HSDL2: variants seen among roughly 807,000 people sequenced by gnomAD.
HSDL2 encodes the protein hydroxysteroid dehydrogenase like 2.
In HSDL2, 27 loss-of-function variants were observed where a neutral mutation model predicts 46.3. The ratio of observed to expected loss-of-function variants is 0.58; its 90% CI spans 0.43 to 0.80. The LOEUF is 0.80. Among genes scored for constraint, HSDL2 ranks in the 30% least tolerant of loss-of-function variants. HSDL2 has a pLI of 0.00. For missense variants in HSDL2, 451 were observed against 502.7 expected (o/e 0.90, Z 0.98); for synonymous variants, 153 against 163.6 (o/e 0.94, Z 0.50).
intron 1 of HSDL2, among the ~76,000 whole-genome samples, chr9:112,390,980 A>C (rs1301150658): frequency 6.6e-6 from 1 of 152,092 alleles, no homozygotes; most frequent in Non-Finnish European, 1.5e-5. Flanking sequence ...GTTCAAGACC[A>C]GCCTGGCCAA....
intron 6 of HSDL2, among the ~76,000 whole-genome samples, chr9:112,425,553 AT>A (rs1832224881): frequency 1.3e-5 from 2 of 152,102 alleles, no homozygotes; most frequent in Admixed American, 1.3e-4. Flanking sequence ...GATTTCCATA[AT>A]CTGTTAATTA....
chr9:112,416,902 C>G lies in HSDL2; in HGVS notation c.457C>G (p.Pro153Ala). 6.2e-7 allele frequency: 1 copy of G among 1,605,256 alleles called. No homozygotes were observed. The highest frequency in any genetic ancestry group is 1.1e-5 in the South Asian group (1 of 90,742). ...AGTTGCTCATATCCTCAATATCAGTCCACCACTGAACCTAAATCCAGTTTG... is the reference window on the plus strand; with the variant it reads ...AGTTGCTCATATCCTCAATATCAGTGCACCACTGAACCTAAATCCAGTTTG... ...SKVAHILNIS[P>A]PLNLNPVWFK... The change falls in exon 5 of 11, where the codon CCA (proline) becomes GCA (alanine). Residue 153 changes from proline (P) to alanine (A), a missense_variant. Coordinates refer to ENST00000398805, the MANE Select transcript of HSDL2 (RefSeq NM_032303.5).
In HSDL2 at chr9:112,398,400, T is replaced by G. The variant is rs150752540; in HGVS notation, c.18-5595T>G. On this transcript the variant is annotated intron_variant, in intron 1 of 10. Transcript: ENST00000398805. ...AGGTTTGAAGAGGGAAGAGTTAGTA[T>G]AGATATGGTCCTGGGCTGTCCAAGT... Among the ~76,000 whole-genome samples, 607 of 151,968 alleles carry G rather than the reference T, an allele frequency of 4.0e-3. 5 individuals are homozygous for G. The highest frequency in any genetic ancestry group is 0.014 in the African/African-American group (585 of 41,452).
At chr9:112,406,238 G>T (rs528334470) in intron 3 of HSDL2, among the ~76,000 whole-genome samples, 26 of 152,064 alleles carry the variant, frequency 1.7e-4, no homozygotes, top group African/African-American at 5.8e-4. Context: ...GGATGCAAGG[G>T]GGGTAGATGA....
At chr9:112,454,239 A>C in intron 9 of HSDL2, 77 bp downstream of exon 9, 1 of 1,207,494 alleles carries the variant, frequency 8.3e-7, no homozygotes, top group Admixed American at 2.0e-5. Context: ...ATCAGCGTCC[A>C]ACAGTGATCC....
intron 7 of HSDL2, among the ~76,000 whole-genome samples, chr9:112,440,318 A>C (rs1428736540): frequency 6.6e-6 from 1 of 152,018 alleles, no homozygotes; most frequent in Non-Finnish European, 1.5e-5. Context: ...AAAAAGAGAG[A>C]GAGAGAGGCA....
chr9:112,422,543 C>A (rs1467381916), intron 6 of HSDL2, among the ~76,000 whole-genome samples: 3 of 152,074 alleles, frequency 2.0e-5, no homozygotes, highest in Non-Finnish European at 4.4e-5. Flanking sequence ...CTTGGATATT[C>A]TAGTGCAAGA....
intron 4 of HSDL2, among the ~76,000 whole-genome samples, chr9:112,415,655 C>A (rs1831974006): frequency 6.6e-6 from 1 of 152,102 alleles, no homozygotes; most frequent in African/African-American, 2.4e-5. Context: ...CTCAGTTGGG[C>A]TTAAGGCTAG....
rs1833591569 is a variant in HSDL2, at chr9:112,472,139, G to C, written c.*1595G>C. ...GTTTCAACAAGTCAGGAGATTCACA[G>C]CAACTGATCAAAGGGAGTCCAGTCA... On this transcript the variant is annotated 3_prime_UTR_variant, in exon 11 of 11. Transcript: ENST00000398805. The C allele has an allele frequency of 6.6e-6, 1 of 152,224 alleles. No homozygotes were observed. Among genetic ancestry groups the C allele is most frequent in the Non-Finnish European group, 1.5e-5 (1 of 68,048 alleles). 9.4% of individuals were successfully genotyped at this position (152,224 alleles called of 1,614,324 possible).
intron 7 of HSDL2, among the ~76,000 whole-genome samples, chr9:112,440,051 G>A (rs1211215595): frequency 6.6e-6 from 1 of 152,236 alleles, no homozygotes; most frequent in Non-Finnish European, 1.5e-5. Flanking sequence ...CAGAGAGATT[G>A]AGCCTTTGCC....
At chr9:112,413,013 A>G (rs764299158) in intron 4 of HSDL2, among the ~76,000 whole-genome samples, 24 of 152,134 alleles carry the variant, frequency 1.6e-4, no homozygotes, top group Non-Finnish European at 2.2e-4. Flanking sequence ...TCCTACCTTT[A>G]TAAACAGCCA....
At chr9:112,398,905 G>C (rs959017141) in intron 1 of HSDL2, among the ~76,000 whole-genome samples, 4 of 152,048 alleles carry the variant, frequency 2.6e-5, no homozygotes, top group East Asian at 3.9e-4. Flanking sequence ...ATATAGCAGA[G>C]ATAAGCATAA....
chr9:112,469,869 T>G (rs911600569), intron 10 of HSDL2: 54 of 152,138 alleles, frequency 3.5e-4, no homozygotes, highest in African/African-American at 1.2e-3. Context: ...ACAAATGTAC[T>G]TCTCTCCATG....
intron 8 of HSDL2, among the ~76,000 whole-genome samples, chr9:112,444,465 T>C (rs1406900472): frequency 6.6e-6 from 1 of 152,056 alleles, no homozygotes; most frequent in Non-Finnish European, 1.5e-5. Context: ...CAACCAGGCA[T>C]AGTGGCTCAC....
chr9:112,455,744 T>G (rs1833002997), intron 9 of HSDL2, among the ~76,000 whole-genome samples: 1 of 152,218 alleles, frequency 6.6e-6, no homozygotes. Context: ...TCCCTTCACC[T>G]CTTCCCTGCC....
chr9:112,407,394 C>G (rs1001694509), intron 3 of HSDL2, among the ~76,000 whole-genome samples: 1 of 151,912 alleles, frequency 6.6e-6, no homozygotes, highest in Non-Finnish European at 1.5e-5. Flanking sequence ...TTTTCATTCT[C>G]CCATATTCAT....
At chr9:112,459,605 T>G in intron 10 of HSDL2, 28 bp downstream of exon 10, 5 of 1,597,990 alleles carry the variant, frequency 3.1e-6, no homozygotes, top group Non-Finnish European at 4.3e-6. Flanking sequence ...TTAGTTTACC[T>G]TATTGTTCAG....
At chr9:112,462,947 A>G (rs1833257482) in intron 10 of HSDL2, among the ~76,000 whole-genome samples, 1 of 152,192 alleles carries the variant, frequency 6.6e-6, no homozygotes, top group Admixed American at 6.5e-5. Flanking sequence ...AAAACAGTAT[A>G]TAGTCTTTTG....
intron 4 of HSDL2, 61 bp downstream of exon 4, chr9:112,409,082 A>G: frequency 2.2e-6 from 2 of 915,306 alleles, no homozygotes; most frequent in South Asian, 2.8e-5. Context: ...GAACTTACAT[A>G]GTTGTAAACA....
Sources: allele counts gnomAD v4.1 joint callset (sites outside exome capture counted in the v4.1 genomes callset), GRCh38; gene constraint gnomAD v4.1.1; transcripts MANE v1.5; gene names NCBI Gene and HGNC (gene_info 2026-07-23, HGNC 2026-07-21).